The following CSMD2 variants were observed in gnomAD, a reference collection of about 807,000 sequenced individuals.
CSMD2 encodes the protein CUB and sushi domain-containing protein 2.
A neutral mutation model predicts 398.5 loss-of-function variants in CSMD2; 130 were observed. The observed-to-expected ratio is 0.33, with a 90% CI of 0.28 to 0.38. The LOEUF (loss-of-function observed/expected upper bound fraction) is 0.38, where lower values mean the gene tolerates loss of function less well. Among genes scored for constraint, CSMD2 ranks in the 10% least tolerant of loss-of-function variants. The probability of loss-of-function intolerance (pLI) is 1.00; values close to 1 mark genes in which losing one functional copy is unlikely to be tolerated. For missense variants in CSMD2, 3,829 were observed against 4,764.9 expected (o/e 0.80, Z 5.78); for synonymous variants, 1,828 against 1,908.5 (o/e 0.96, Z 1.10).
At chr1:33,803,916 ACT>A (rs1288624982) in intron 10 of CSMD2, among the ~76,000 whole-genome samples, 2 of 151,952 alleles carry the variant, frequency 1.3e-5, no homozygotes, top group Non-Finnish European at 2.9e-5. Flanking sequence ...CCTTTCATCT[ACT>A]CTGAGATCTT....
chr1:33,696,089 C>T (rs1440697210), intron 24 of CSMD2, among the ~76,000 whole-genome samples: 6 of 152,072 alleles, frequency 3.9e-5, no homozygotes, highest in Non-Finnish European at 7.4e-5. Context: ...AGATGCTTAA[C>T]GTTTATTGAA....
intron 1 of CSMD2, among the ~76,000 whole-genome samples, chr1:34,119,893 T>C (rs1403256503): frequency 6.6e-6 from 1 of 152,168 alleles, no homozygotes; most frequent in African/African-American, 2.4e-5. Context: ...AGAATTACCA[T>C]CTGATTCAAC....
chr1:33,679,256 C>T (rs1337582655), intron 25 of CSMD2, among the ~76,000 whole-genome samples: 1 of 135,262 alleles, frequency 7.4e-6, no homozygotes, highest in Non-Finnish European at 1.5e-5. Flanking sequence ...GGTTGGAGTG[C>T]AGTGGTGCCA....
At chr1:34,157,338 C>T (rs1326924846) in intron 1 of CSMD2, among the ~76,000 whole-genome samples, 3 of 151,984 alleles carry the variant, frequency 2.0e-5, no homozygotes, top group Non-Finnish European at 4.4e-5. Context: ...CCAGTGCCCT[C>T]CCTCACTTCC....
rs765641354 is a variant in CSMD2 at position 33,846,891 on chromosome 1, T to C, written c.1026A>G (p.Gln342=). 40 of 1,599,154 alleles carry C rather than the reference T, an allele frequency of 2.5e-5. No individual in the cohort carries two copies. The highest frequency in any genetic ancestry group is 8.5e-5 in the Admixed American group (5 of 58,730). The change falls in exon 6 of 71, where the codon CAA becomes CAG. Residue 342 remains glutamine, a synonymous_variant. Transcript: ENST00000373381. ...GNHRQRGFSA[Q]YQVKKQIELK... ...GTCCTGGGACCTGCCTACCTTGGTA[T>C]TGGGCACTGAATCCGCGCTGCCGGT...
intron 55 of CSMD2, among the ~76,000 whole-genome samples, chr1:33,556,816 G>A (rs1658026843): frequency 6.6e-6 from 1 of 152,104 alleles, no homozygotes; most frequent in South Asian, 2.1e-4. Context: ...TTTATACGGG[G>A]CTTTTCCCCA....
chr1:33,933,598 T>C (rs1644378442), intron 4 of CSMD2, among the ~76,000 whole-genome samples: 1 of 152,204 alleles, frequency 6.6e-6, no homozygotes, highest in Non-Finnish European at 1.5e-5. Flanking sequence ...AAGATCAGAA[T>C]GTTAACGGTA....
chr1:33,969,659 T>C (rs1324280347), intron 3 of CSMD2, among the ~76,000 whole-genome samples: 1 of 152,220 alleles, frequency 6.6e-6, no homozygotes, highest in East Asian at 1.9e-4. Flanking sequence ...TAAGAATTAA[T>C]GAAAAGGCAG....
At chr1:33,523,247 C>T in intron 67 of CSMD2, 60 bp downstream of exon 67, 1 of 863,324 alleles carries the variant, frequency 1.2e-6, no homozygotes, top group Non-Finnish European at 1.9e-6. Flanking sequence ...ACCCTTTTGT[C>T]CTCCTCTTCC....
At chr1:34,165,297 G>T (rs1641785401), upstream of CSMD2, 1 of 1,202,422 alleles carries the variant, frequency 8.3e-7, no homozygotes, top group Non-Finnish European at 1.0e-6. Flanking sequence ...CTCCAATCCC[G>T]CTTCGCGGGG....
At chr1:33,661,702 G>A (rs1644140219) in intron 26 of CSMD2, among the ~76,000 whole-genome samples, 1 of 152,162 alleles carries the variant, frequency 6.6e-6, no homozygotes, top group Middle Eastern at 3.2e-3. Flanking sequence ...ATGTGATCCT[G>A]GAGACTCTCA....
chr1:33,858,488 C>T (rs2125106544), intron 5 of CSMD2, among the ~76,000 whole-genome samples: 1 of 152,312 alleles, frequency 6.6e-6, no homozygotes, highest in South Asian at 2.1e-4. Context: ...GGCTCTGCCA[C>T]TTATTGCTGT....
intron 54 of CSMD2, 52 bp from the exon 55 acceptor site, chr1:33,557,974 C>T (rs2148653925): frequency 6.7e-7 from 1 of 1,487,602 alleles, no homozygotes; most frequent in Non-Finnish European, 9.0e-7. Context: ...ATAGTAAAAT[C>T]TTCCGAGCAA....
At chr1:33,790,336 C>T (rs1654079500) in intron 11 of CSMD2, among the ~76,000 whole-genome samples, 1 of 152,116 alleles carries the variant, frequency 6.6e-6, no homozygotes. Flanking sequence ...AGCAGATTGC[C>T]CTCTCCAAGG....
intron 13 of CSMD2, among the ~76,000 whole-genome samples, chr1:33,747,939 A>T (rs1647614358): frequency 1.3e-5 from 2 of 152,338 alleles, no homozygotes; most frequent in Admixed American, 1.3e-4. Flanking sequence ...ACAAAAAAGG[A>T]ATTTTAATAT....
chr1:33,871,341 T>C (rs762031456), intron 5 of CSMD2, among the ~76,000 whole-genome samples: 1 of 152,194 alleles, frequency 6.6e-6, no homozygotes, highest in Non-Finnish European at 1.5e-5. Context: ...GAAGACACTG[T>C]AGAAATCTGG....
At chr1:33,939,191 C>G (rs1039639174) in intron 3 of CSMD2, among the ~76,000 whole-genome samples, 8 of 152,118 alleles carry the variant, frequency 5.3e-5, no homozygotes, top group African/African-American at 1.9e-4. Context: ...TTCCCATGAT[C>G]CCCTGCAGCT....
chr1:33,566,554 A>G (rs1659077275), intron 53 of CSMD2, among the ~76,000 whole-genome samples: 2 of 152,206 alleles, frequency 1.3e-5, no homozygotes, highest in Admixed American at 6.5e-5. Context: ...TATACTGCAT[A>G]CAAGAATCAC....
intron 10 of CSMD2, among the ~76,000 whole-genome samples, chr1:33,794,416 G>C (rs1654697323): frequency 6.6e-6 from 1 of 152,216 alleles, no homozygotes; most frequent in South Asian, 2.1e-4. Context: ...GCTGAGTTTG[G>C]AAGATGAACT....
Sources: gnomAD v4.1 joint callset for allele counts (sites outside exome capture counted in the v4.1 genomes callset) on GRCh38, gnomAD v4.1.1 for gene constraint, MANE v1.5 for transcripts, NCBI Gene and HGNC (gene_info 2026-07-23, HGNC 2026-07-21) for gene names.